The following COX7B2 variants were observed in gnomAD, a reference collection of about 807,000 sequenced individuals.
COX7B2 encodes the protein cytochrome c oxidase subunit 7B2, also known as cytochrome c oxidase subunit 7B2, mitochondrial.
For missense variants in COX7B2, 109 were observed against 95.9 expected, an observed-to-expected ratio of 1.14 and a Z score of -0.57; for synonymous variants, 37 against 32.1, an observed-to-expected ratio of 1.15 and a Z score of -0.51.
chr4:46,851,569 T>A (rs1418766010), intron 1 of COX7B2, among the ~76,000 whole-genome samples: 1 of 152,090 alleles, frequency 6.6e-6, no homozygotes, highest in Non-Finnish European at 1.5e-5. Context: ...CTTTACTTGA[T>A]AGTCACCCAT....
At chr4:46,769,957 C>G (rs1244777027) in intron 2 of COX7B2, among the ~76,000 whole-genome samples, 1 of 152,152 alleles carries the variant, frequency 6.6e-6, no homozygotes, top group African/African-American at 2.4e-5. Context: ...AGGATGCCCA[C>G]TCTTGCCATT....
At chr4:46,807,733 T>C (rs531831224) in intron 2 of COX7B2, among the ~76,000 whole-genome samples, 12 of 151,950 alleles carry the variant, frequency 7.9e-5, no homozygotes, top group African/African-American at 2.9e-4. Flanking sequence ...TGGAAATCTA[T>C]TGCATATGGA....
At chr4:46,880,993 T>TAAAAAAAAAAAAAAAAAAAAAAAAA (rs1215385422) in intron 1 of COX7B2, among the ~76,000 whole-genome samples, 3 of 102,818 alleles carry the variant, frequency 2.9e-5, no homozygotes, top group African/African-American at 3.6e-5. Flanking sequence ...TAGAGTATAA[T>TAAAAAAAAAAAAAAAAAAAAAAAAA]AAAAAAAAAA....
chr4:46,763,073 ATATATATTACATAT>A, intron 2 of COX7B2, among the ~76,000 whole-genome samples: 1 of 113,338 alleles, frequency 8.8e-6, no homozygotes, highest in African/African-American at 3.2e-5. Context: ...ATATTATATA[ATATATATTACATAT>A]TATAATATAT....
chr4:46,900,707 T>G (rs1035324639), intron 1 of COX7B2, among the ~76,000 whole-genome samples: 3 of 152,152 alleles, frequency 2.0e-5, no homozygotes, highest in Admixed American at 6.5e-5. Flanking sequence ...AAATTAGTGC[T>G]CTTATAAAAG....
chr4:46,762,807 A>C (rs188392409), intron 2 of COX7B2, among the ~76,000 whole-genome samples: 18 of 148,834 alleles, frequency 1.2e-4, no homozygotes, highest in African/African-American at 3.9e-4. Flanking sequence ...GGGAACAAGG[A>C]AAGTTTGCAC....
chr4:46,815,031 C>G (rs940147430), intron 2 of COX7B2, among the ~76,000 whole-genome samples: 1 of 151,970 alleles, frequency 6.6e-6, no homozygotes, highest in Non-Finnish European at 1.5e-5. Context: ...ACTGAAGATA[C>G]AAAAATTAGC....
chr4:46,899,227 T>G (rs1334644719), intron 1 of COX7B2, among the ~76,000 whole-genome samples: 1 of 152,202 alleles, frequency 6.6e-6, no homozygotes, highest in East Asian at 1.9e-4. Flanking sequence ...TTATACTGTA[T>G]GCTAATAATT....
rs531312004 is a variant in COX7B2, at chr4:46,836,848, G to A, written c.-50+8112C>T. On this transcript the variant is annotated intron_variant, in intron 2 of 2. Coordinates refer to ENST00000355591, the MANE Select transcript of COX7B2 (RefSeq NM_130902.3). The stretch of plus-strand genomic sequence containing the variant: ...GCTCTAACTTCACCACAGCTGCAAC[G>A]TCACTAGGCAATAGGTATTTTTCAG... 3.3e-5 allele frequency among the ~76,000 whole-genome samples: 5 copies of A among 152,116 alleles called. No homozygotes were observed. The South Asian group carries it at 6.2e-4, about 19-fold the overall frequency.
intron 2 of COX7B2, among the ~76,000 whole-genome samples, chr4:46,802,360 G>C (rs62305179): frequency 3.3e-3 from 498 of 152,198 alleles, no homozygotes; most frequent in Non-Finnish European, 6.1e-3. Context: ...AAACATCCTG[G>C]AAGGTCTCTT....
intron 2 of COX7B2, among the ~76,000 whole-genome samples, chr4:46,836,032 A>G (rs1347411748): frequency 6.6e-6 from 1 of 152,164 alleles, no homozygotes; most frequent in East Asian, 1.9e-4. Context: ...TTTATAGGGC[A>G]CTTATGAATG....
intron 1 of COX7B2, among the ~76,000 whole-genome samples, chr4:46,881,097 A>G (rs995891736): frequency 6.6e-6 from 1 of 151,496 alleles, no homozygotes; most frequent in Non-Finnish European, 1.5e-5. Flanking sequence ...TTCTTGTTTG[A>G]ACCCAGGAAA....
intron 2 of COX7B2, among the ~76,000 whole-genome samples, chr4:46,747,632 C>T (rs28361345): frequency 0.33 from 49,770 of 151,966 alleles, 8,417 homozygotes; most frequent in South Asian, 0.47. Flanking sequence ...GACTTTTCTT[C>T]ACCTATCAAG....
chr4:46,798,686 G>A (rs891743109), intron 2 of COX7B2, among the ~76,000 whole-genome samples: 1 of 152,038 alleles, frequency 6.6e-6, no homozygotes, highest in Non-Finnish European at 1.5e-5. Flanking sequence ...GTTCCCATGC[G>A]ACCTGAGTTG....
chr4:46,803,533 T>C (rs1189555271), intron 2 of COX7B2, among the ~76,000 whole-genome samples: 1 of 152,124 alleles, frequency 6.6e-6, no homozygotes, highest in Admixed American at 6.5e-5. Flanking sequence ...TAAGGTAATG[T>C]TCCTTTAAGA....
chr4:46,743,650 A>G (rs1408804687), intron 2 of COX7B2, among the ~76,000 whole-genome samples: 1 of 152,220 alleles, frequency 6.6e-6, no homozygotes, highest in African/African-American at 2.4e-5. Flanking sequence ...TGCAGCTAAC[A>G]AAGTCAAATT....
chr4:46,784,190 T>C (rs920130529), intron 2 of COX7B2, among the ~76,000 whole-genome samples: 3 of 152,176 alleles, frequency 2.0e-5, no homozygotes, highest in Non-Finnish European at 4.4e-5. Flanking sequence ...GAGAGGGTAT[T>C]TGTATCAGAA....
chr4:46,762,523 CTG>C (rs1716249472), intron 2 of COX7B2, among the ~76,000 whole-genome samples: 1 of 141,258 alleles, frequency 7.1e-6, no homozygotes, highest in African/African-American at 2.6e-5. Flanking sequence ...AGTAGAAAAA[CTG>C]AGGGCAGCCA....
chr4:46,888,547 C>T (rs1310946930), intron 1 of COX7B2, among the ~76,000 whole-genome samples: 1 of 151,700 alleles, frequency 6.6e-6, no homozygotes, highest in African/African-American at 2.4e-5. Flanking sequence ...AGGTTCACGC[C>T]ATTCTCCTGC....
Sources: allele counts gnomAD v4.1 joint callset (sites outside exome capture counted in the v4.1 genomes callset), GRCh38; gene constraint gnomAD v4.1.1; transcripts MANE v1.5; gene names NCBI Gene and HGNC (gene_info 2026-07-23, HGNC 2026-07-21).